The following BSPRY variants were observed in gnomAD, a reference collection of about 807,000 sequenced individuals.
BSPRY encodes B-box and SPRY domain containing, also known as B box and SPRY domain-containing protein.
Under a neutral mutation model 38.0 loss-of-function variants are expected in BSPRY, and 33 were observed. That is an observed-to-expected ratio of 0.87 (90% CI 0.66 to 1.16). BSPRY has a LOEUF of 1.16. Among genes scored for constraint, BSPRY ranks in the 50% most tolerant of loss-of-function variants. The pLI is 0.00. For missense variants in BSPRY, 523 were observed against 533.2 expected (o/e 0.98, Z 0.19); for synonymous variants, 224 against 228.5 (o/e 0.98, Z 0.18).
At chr9:113,363,915 G>A (rs944020716) in intron 4 of BSPRY, among the ~76,000 whole-genome samples, 6 of 142,556 alleles carry the variant, frequency 4.2e-5, no homozygotes, top group Non-Finnish European at 7.5e-5. Context: ...AAAGCTGGGC[G>A]TGATGACTCA....
At chr9:113,360,445 C>A in intron 2 of BSPRY, 62 bp from the exon 3 acceptor site, 1 of 1,495,876 alleles carries the variant, frequency 6.7e-7, no homozygotes, top group South Asian at 1.2e-5. Context: ...AGCCTAAACC[C>A]TCTTAAATCC....
At chr9:113,362,248 A>G (rs1264191561) in intron 3 of BSPRY, 121 bp from the exon 4 acceptor site, 1 of 910,510 alleles carries the variant, frequency 1.1e-6, no homozygotes, top group Non-Finnish European at 1.8e-6. Flanking sequence ...CTGGTCTTAA[A>G]GACTAGAAGT....
Position 113,360,712 on chromosome 9 carries a change from C to T in BSPRY, c.506C>T (p.Thr169Ile). 5 of 1,597,084 alleles carry T rather than the reference C, an allele frequency of 3.1e-6. No homozygotes were observed. Among genetic ancestry groups the T allele is most frequent in the Non-Finnish European group, 3.4e-6 (4 of 1,172,798 alleles). ...CGCACTGGCCTGGTGGGCATGCTTA[C>T]TCACCTGGATGACCTCCAGCTGATT... ...TIRTGLVGML[T>I]HLDDLQLIQK... The change falls in exon 3 of 6, where the codon ACT (threonine) becomes ATT (isoleucine). Residue 169 changes from threonine (T) to isoleucine (I), a missense_variant. Transcript: ENST00000374183.
At chr9:113,362,055 TAACA>T (rs1564340971) in intron 3 of BSPRY, among the ~76,000 whole-genome samples, 1 of 152,158 alleles carries the variant, frequency 6.6e-6, no homozygotes, top group Non-Finnish European at 1.5e-5. Context: ...GTCCAGGAGC[TAACA>T]GTCTTCATGG....
In BSPRY at chr9:113,357,918, A is replaced by G. The variant is rs1250414178; in HGVS notation, c.301-2589A>G. Among the ~76,000 whole-genome samples, 82 of 29,508 alleles carry G rather than the reference A, an allele frequency of 2.8e-3. 3 individuals carry two copies. The highest frequency in any genetic ancestry group is 8.8e-3 in the African/African-American group (81 of 9,154). 19.4% of individuals were successfully genotyped at this position (29,508 alleles called of 152,430 possible). A position where few individuals can be genotyped will look rare whatever the true frequency, so the allele number is the denominator to read the frequency against. ...TATATATATATATATATATATATATATATATATATATATATATATATATAT... is the reference window on the plus strand; with the variant it reads ...TATATATATATATATATATATATATGTATATATATATATATATATATATAT... On this transcript the variant is annotated intron_variant, in intron 2 of 5. Transcript: ENST00000374183.
chr9:113,362,180 T>G (rs1027518266), intron 3 of BSPRY, among the ~76,000 whole-genome samples, 189 bp from the exon 4 acceptor site: 19 of 110,846 alleles, frequency 1.7e-4, no homozygotes, highest in Non-Finnish European at 3.1e-4. Context: ...TATGGGTGTG[T>G]GTGTGTGTGT....
In BSPRY at chr9:113,370,350, C is replaced by T. The variant is rs1223390118; in HGVS notation, c.*208C>T. On this transcript the variant is annotated 3_prime_UTR_variant, in exon 6 of 6. Coordinates refer to ENST00000374183, the MANE Select transcript of BSPRY (RefSeq NM_017688.3). This position sits in a 1 kb window ranked among gnomAD's most constrained non-coding sequence, Gnocchi z 4.8. ...TGTCCAAACTTTTGGCTTCCCTGGG[C>T]CACATTTGAAGAAGAATTTTCTTGG... 1 of 462,746 alleles carries T rather than the reference C, an allele frequency of 2.2e-6. No individual in the cohort carries two copies. The highest frequency in any genetic ancestry group is 2.0e-5 in the African/African-American group (1 of 49,412). The allele number at this position is 462,746 out of a possible 1,614,324, so 28.7% of individuals were successfully genotyped here. A position where few individuals can be genotyped will look rare whatever the true frequency, so the allele number is the denominator to read the frequency against.
Position 113,360,405 on chromosome 9 carries a change from G to A in BSPRY, c.301-102G>A, listed in dbSNP as rs141484789. 14 of 1,098,786 alleles carry A rather than the reference G, an allele frequency of 1.3e-5. No homozygotes were observed. The Admixed American group carries it at 3.0e-4, about 24-fold the overall frequency. The allele number at this position is 1,098,786 out of a possible 1,614,324, so 68.1% of individuals were successfully genotyped here. ...CATTACTAAGCCCGTGGCAGACATT[G>A]CTAATCAATCTCAACACTCCTTTCC... On this transcript the variant is annotated intron_variant, in intron 2 of 5. Coordinates refer to ENST00000374183, the MANE Select transcript of BSPRY (RefSeq NM_017688.3).
chr9:113,351,626 G>GTTTC (rs1258263544), intron 1 of BSPRY, among the ~76,000 whole-genome samples: 27 of 152,262 alleles, frequency 1.8e-4, no homozygotes, highest in African/African-American at 5.5e-4. Flanking sequence ...ATGGAACTGA[G>GTTTC]GCAGAACTCT....
chr9:113,349,733 C>CG lies in BSPRY; in HGVS notation c.159dup (p.His54AlafsTer22). The CG allele has an allele frequency of 2.4e-6, 3 of 1,239,360 alleles. No individual in the cohort carries two copies. Among genetic ancestry groups the CG allele is most frequent in the Non-Finnish European group, 1.0e-6 (1 of 993,590 alleles). 76.8% of individuals were successfully genotyped at this position (1,239,360 alleles called of 1,614,324 possible). A position where few individuals can be genotyped will look rare whatever the true frequency, so the allele number is the denominator to read the frequency against. On this transcript the variant is annotated frameshift_variant, in exon 1 of 6. Coordinates refer to ENST00000374183, the MANE Select transcript of BSPRY (RefSeq NM_017688.3). LOFTEE classifies it high-confidence loss of function. The stretch of plus-strand genomic sequence containing the variant: ...CTGCGCGGGGTTGGGCGGTCGCTGC[C>CG]GGGGGCACCGCATCCGCCGGGCGGA...
chr9:113,369,279 T>C (rs1452834973), intron 5 of BSPRY, among the ~76,000 whole-genome samples: 1 of 152,186 alleles, frequency 6.6e-6, no homozygotes, highest in Non-Finnish European at 1.5e-5. Context: ...ACCAAGTCAG[T>C]GTGTAAACTT....
At position 113,363,876 on chromosome 9, in the gene BSPRY, C is replaced by CAAA. The variant is rs57026104; in HGVS notation, c.557+1511_557+1513dup. Among the ~76,000 whole-genome samples, 71 of 37,562 alleles carry CAAA rather than the reference C, an allele frequency of 1.9e-3. 11 individuals are homozygous for CAAA. In the East Asian group the frequency reaches 0.032, roughly 17 times the overall value. 24.6% of individuals were successfully genotyped at this position (37,562 alleles called of 152,430 possible). On this transcript the variant is annotated intron_variant, in intron 4 of 5. Coordinates refer to ENST00000374183, the MANE Select transcript of BSPRY (RefSeq NM_017688.3). ...TGGGTGACAGAGTGAGACTCCACCT[C>CAAA]AAAAAAAAAAAAAAAAAAAAAAAAA...
intron 2 of BSPRY, among the ~76,000 whole-genome samples, chr9:113,356,334 C>T (rs948520902): frequency 6.6e-6 from 1 of 152,036 alleles, no homozygotes; most frequent in Admixed American, 6.6e-5. Flanking sequence ...GAAACCCCGT[C>T]TCTACTAAAA....
At chr9:113,360,239 T>G (rs542685626) in intron 2 of BSPRY, among the ~76,000 whole-genome samples, 43 of 152,336 alleles carry the variant, frequency 2.8e-4, no homozygotes, top group African/African-American at 9.6e-4. Flanking sequence ...CTCTAAGTCC[T>G]GCCCAGGTCT....
In BSPRY at chr9:113,369,786, C is replaced by T; in HGVS notation, c.853C>T (p.Leu285Phe). The change falls in exon 6 of 6, where the codon CTC (leucine) becomes TTC (phenylalanine). Residue 285 changes from leucine (L) to phenylalanine (F), a missense_variant. By Grantham distance (22) the Leu-to-Phe change is conservative. Transcript: ENST00000374183. ...ALAATSFQNG[L>F]HAWMVNVQNS... ...GGCTGCCACCTCCTTCCAGAATGGG[C>T]TCCATGCCTGGATGGTGAATGTCCA... is the stretch of plus-strand genomic sequence containing the variant. The T allele has an allele frequency of 6.2e-7, 1 of 1,614,248 alleles. No homozygotes were observed. The highest frequency in any genetic ancestry group is 1.1e-5 in the South Asian group (1 of 91,092).
At chr9:113,354,379 G>A in intron 2 of BSPRY, 41 bp downstream of exon 2, 1 of 1,553,492 alleles carries the variant, frequency 6.4e-7, no homozygotes, top group South Asian at 1.1e-5. Context: ...CCCCTCCCAG[G>A]ATAAGGCCTT....
chr9:113,370,167 C>T lies in BSPRY; in HGVS notation c.*25C>T. On this transcript the variant is annotated 3_prime_UTR_variant, in exon 6 of 6. Transcript: ENST00000374183. The surrounding 1 kb of genome is among the most constrained non-coding windows in gnomAD (Gnocchi z 4.8). Reference sequence around the variant, plus strand: ...ACCTCTGGCCACAGGAAGCCAGGTCCACCGCCCACCACCCTTTCAGGCCAT... The same window carrying T: ...ACCTCTGGCCACAGGAAGCCAGGTCTACCGCCCACCACCCTTTCAGGCCAT... 1.3e-6 allele frequency: 2 copies of T among 1,523,770 alleles called. No homozygotes were observed. Among genetic ancestry groups the T allele is most frequent in the East Asian group, 4.5e-5 (2 of 44,042 alleles). 94.4% of individuals were successfully genotyped at this position (1,523,770 alleles called of 1,614,324 possible). A position where few individuals can be genotyped will look rare whatever the true frequency, so the allele number is the denominator to read the frequency against.
At chr9:113,354,568 G>C (rs781182938) in intron 2 of BSPRY, among the ~76,000 whole-genome samples, 5 of 152,118 alleles carry the variant, frequency 3.3e-5, no homozygotes, top group Non-Finnish European at 5.9e-5. Context: ...GGGTATCTTG[G>C]CATAGGGGAT....
chr9:113,369,948 A>G lies in BSPRY; in HGVS notation c.1015A>G (p.Asn339Asp). The change falls in exon 6 of 6, where the codon AAT (asparagine) becomes GAT (aspartate). Residue 339 changes from asparagine (N) to aspartate (D), a missense_variant. Transcript: ENST00000374183. ...TGATCAGGAGTTTCGTTTCTCACAC[A>G]ATGGGCAGCACGAGCCCCTGGGGCT... ...RYDQEFRFSH[N>D]GQHEPLGLLR... 6.2e-7 allele frequency: 1 copy of G among 1,614,144 alleles called. No individual in the cohort carries two copies.
Sources: allele counts gnomAD v4.1 joint callset (sites outside exome capture counted in the v4.1 genomes callset), GRCh38; gene constraint gnomAD v4.1.1; non-coding constraint Gnocchi (gnomAD v3.1); transcripts MANE v1.5; gene names NCBI Gene and HGNC (gene_info 2026-07-23, HGNC 2026-07-21).